P4HA1: variants seen among roughly 807,000 people sequenced by gnomAD.
P4HA1 encodes the protein prolyl 4-hydroxylase subunit alpha 1, also known as prolyl 4-hydroxylase subunit alpha-1.
P4HA1 carries 24 observed loss-of-function variants against 72.8 expected under a neutral mutation model. The ratio of observed to expected loss-of-function variants is 0.33; its 90% CI spans 0.24 to 0.46. The LOEUF is 0.46. P4HA1 is among the 20% of genes least tolerant of loss of function. The probability of loss-of-function intolerance (pLI) is 1.00; values close to 1 mark genes in which losing one functional copy is unlikely to be tolerated. For synonymous variants in P4HA1, 201 were observed against 218.8 expected (o/e 0.92, Z 0.72); for missense variants, 446 against 640.6 (o/e 0.70, Z 3.28).
intron 1 of P4HA1, among the ~76,000 whole-genome samples, chr10:73,080,747 T>A (rs193030153): frequency 4.6e-5 from 7 of 151,982 alleles, no homozygotes; most frequent in Non-Finnish European, 1.0e-4. Flanking sequence ...GCTAACACAG[T>A]GAAACCCCGT....
intron 10 of P4HA1, among the ~76,000 whole-genome samples, chr10:73,029,956 C>T (rs942929972): frequency 6.6e-6 from 1 of 152,140 alleles, no homozygotes; most frequent in African/African-American, 2.4e-5. Context: ...AAAACCCACC[C>T]TGGCCACTTG....
At chr10:73,058,016 G>A (rs1259688692) in intron 5 of P4HA1, among the ~76,000 whole-genome samples, 2 of 147,120 alleles carry the variant, frequency 1.4e-5, no homozygotes, top group Admixed American at 6.8e-5. Flanking sequence ...GCTTGAACCC[G>A]GGAAGCGAGG....
chr10:73,050,409 A>T (rs951840098), intron 7 of P4HA1, among the ~76,000 whole-genome samples: 9 of 149,790 alleles, frequency 6.0e-5, no homozygotes, highest in East Asian at 1.9e-4. Context: ...TTTTTTTTTT[A>T]AAGTTTTTTA....
intron 1 of P4HA1, among the ~76,000 whole-genome samples, chr10:73,078,682 GC>G (rs2133146119): frequency 7.5e-6 from 1 of 133,788 alleles, no homozygotes; most frequent in South Asian, 2.4e-4. Flanking sequence ...CGCAATCTCA[GC>G]TCACTGCAAC....
Position 73,017,230 on chromosome 10 carries a change from T to G in P4HA1, c.1249-331A>C, listed in dbSNP as rs1055232260. ...ATAGATATCTATATCTACAGATGTA[T>G]ATATAGATATCTATATCTACAGATG... is the stretch of plus-strand genomic sequence containing the variant. On this transcript the variant is annotated intron_variant, in intron 10 of 14. Transcript: ENST00000394890. Among the ~76,000 whole-genome samples, 9 of 149,470 alleles carry G rather than the reference T, an allele frequency of 6.0e-5. No individual in the cohort carries two copies. In the South Asian group the frequency reaches 6.3e-4, roughly 10 times the overall value.
intron 5 of P4HA1, among the ~76,000 whole-genome samples, chr10:73,061,071 G>T (rs1461906454): frequency 6.6e-6 from 1 of 152,076 alleles, no homozygotes; most frequent in African/African-American, 2.4e-5. Flanking sequence ...ATGAAATAGT[G>T]GTTCTAGGCA....
intron 1 of P4HA1, among the ~76,000 whole-genome samples, chr10:73,080,229 TACA>T (rs1277468260): frequency 6.6e-6 from 1 of 152,206 alleles, no homozygotes; most frequent in Non-Finnish European, 1.5e-5. Flanking sequence ...TTCAGACCCA[TACA>T]ACATTATTCC....
chr10:73,041,538 A>AT (rs1840734393), intron 9 of P4HA1, among the ~76,000 whole-genome samples: 2 of 136,272 alleles, frequency 1.5e-5, no homozygotes, highest in Non-Finnish European at 1.5e-5. Flanking sequence ...GCAAGACTCC[A>AT]TCCCCCCCCC....
chr10:73,019,730 G>GAAAAAAAAAAA lies in P4HA1; in HGVS notation c.1249-2842_1249-2832dup, dbSNP rs3066045. ...GGCGACAGAGCGAGACTCTGTCTCA[G>GAAAAAAAAAAA]AAAAAAAAAAAAAAAAAGAATTCAA... On this transcript the variant is annotated intron_variant, in intron 10 of 14. Coordinates refer to ENST00000394890, the MANE Select transcript of P4HA1 (RefSeq NM_001017962.3). Among the ~76,000 whole-genome samples the GAAAAAAAAAAA allele has an allele frequency of 3.6e-3, 238 of 65,214 alleles. 51 individuals carry two copies. The highest frequency in any genetic ancestry group is 0.019 in the African/African-American group (230 of 11,874). The allele number at this position is 65,214 out of a possible 152,430, so 42.8% of individuals were successfully genotyped here.
chr10:73,014,228 A>G lies in P4HA1; in HGVS notation c.1364T>C (p.Phe455Ser). ...AAAATTTTAGTGACGACTTACATAA[A>G]ACAGCCATGTAGCAATTCTATTTCC... ...GTGNRIATWL[F>S]YMSDVSAGGA... Residue 455 changes from phenylalanine (F) to serine (S), a missense_variant, in exon 12 of 15, where the codon TTT (phenylalanine) becomes TCT (serine). Physicochemically the swap from Phe to Ser is radical, Grantham distance 155 (BLOSUM62 -2). Transcript: ENST00000394890. The G allele has an allele frequency of 4.4e-6, 7 of 1,608,278 alleles. No individual in the cohort carries two copies. The highest frequency in any genetic ancestry group is 6.0e-6 in the Non-Finnish European group (7 of 1,175,044).
In P4HA1 at chr10:73,079,985, G is replaced by A. The variant is rs1053593224; in HGVS notation, c.-32-5070C>T. Among the ~76,000 whole-genome samples the A allele has an allele frequency of 1.1e-4, 17 of 152,246 alleles. No homozygotes were observed. In the East Asian group the frequency reaches 2.9e-3, roughly 26 times the overall value. On this transcript the variant is annotated intron_variant, in intron 1 of 14. Transcript: ENST00000394890. ...TCTTTCTGGAGTTGCTAAGCTCAGA[G>A]GATGTGAACTTGGGGCTCTCCTGTG...
chr10:73,014,202 A>C, intron 12 of P4HA1, 22 bp downstream of exon 12: 2 of 1,546,372 alleles, frequency 1.3e-6, no homozygotes, highest in Non-Finnish European at 1.8e-6. Flanking sequence ...AACTTAATCT[A>C]AAAATTTTAG....
intron 5 of P4HA1, among the ~76,000 whole-genome samples, chr10:73,068,544 G>T (rs1841477880): frequency 6.6e-6 from 1 of 151,996 alleles, no homozygotes; most frequent in South Asian, 2.1e-4. Flanking sequence ...ATAGTATTAG[G>T]TGTTCTGAAT....
intron 10 of P4HA1, among the ~76,000 whole-genome samples, chr10:73,026,011 G>C (rs571058468): frequency 4.7e-4 from 71 of 152,228 alleles, no homozygotes; most frequent in East Asian, 1.2e-3. Context: ...AATCAATATC[G>C]TGAAAATGGC....
chr10:73,014,551 G>T (rs998042206), intron 11 of P4HA1, among the ~76,000 whole-genome samples: 1 of 152,152 alleles, frequency 6.6e-6, no homozygotes, highest in Non-Finnish European at 1.5e-5. Context: ...AGGATCACAG[G>T]TGTGAGCCAC....
rs112051306 is a variant in P4HA1, at chr10:73,035,424, G to C, written c.1149-5054C>G. 9.9e-5 allele frequency among the ~76,000 whole-genome samples: 15 copies of C among 152,240 alleles called. 1 individual carries two copies. The highest frequency in any genetic ancestry group is 3.4e-4 in the African/African-American group (14 of 41,544). On this transcript the variant is annotated intron_variant, in intron 9 of 14. Transcript: ENST00000394890. ...TTATAGTTTCAGCTACTTAGAGGCT[G>C]AGGCAGGAGGATTGCTTGAGCCCAG...
At chr10:73,094,673 G>A (rs1416559651) in intron 1 of P4HA1, among the ~76,000 whole-genome samples, 1 of 152,142 alleles carries the variant, frequency 6.6e-6, no homozygotes, top group Non-Finnish European at 1.5e-5. Flanking sequence ...AATAAATGCC[G>A]TTTGAACTTA....
At chr10:73,051,648 AC>A (rs1841022056) in intron 6 of P4HA1, among the ~76,000 whole-genome samples, 1 of 152,078 alleles carries the variant, frequency 6.6e-6, no homozygotes, top group Non-Finnish European at 1.5e-5. Context: ...AATCCCAGCT[AC>A]TCAGGAGGCT....
chr10:73,050,914 A>T, intron 7 of P4HA1, 139 bp downstream of exon 7: 1 of 735,910 alleles, frequency 1.4e-6, no homozygotes, highest in Non-Finnish European at 2.3e-6. Flanking sequence ...GCCTAAGCTG[A>T]CATACTGTAA....
Sources: gnomAD v4.1 joint callset for allele counts (sites outside exome capture counted in the v4.1 genomes callset) on GRCh38, gnomAD v4.1.1 for gene constraint, MANE v1.5 for transcripts, NCBI Gene and HGNC (gene_info 2026-07-23, HGNC 2026-07-21) for gene names.